OSTN: variants seen among roughly 807,000 people sequenced by gnomAD.
The protein encoded by OSTN is osteocrin.
A neutral mutation model predicts 12.0 loss-of-function variants in OSTN; 9 were observed. The ratio of observed to expected loss-of-function variants is 0.75; its 90% CI spans 0.45 to 1.30. The LOEUF is 1.30. Among genes scored for constraint, OSTN ranks in the 50% most tolerant of loss-of-function variants. The pLI, the probability that OSTN is intolerant of heterozygous loss-of-function variation, is 0.00. For synonymous variants in OSTN, 59 were observed against 56.9 expected (o/e 1.04, Z -0.16); for missense variants, 148 against 152.3 (o/e 0.97, Z 0.15).
At chr3:191,254,133 G>A (rs183211939) in intron 4 of OSTN, among the ~76,000 whole-genome samples, 63 of 152,278 alleles carry the variant, frequency 4.1e-4, no homozygotes, top group Non-Finnish European at 7.5e-4. Flanking sequence ...AGGTGGCATG[G>A]GAGTTGGACT....
intron 3 of OSTN, among the ~76,000 whole-genome samples, chr3:191,248,128 C>T (rs9855235): frequency 0.31 from 46,671 of 152,016 alleles, 8,246 homozygotes; most frequent in Middle Eastern, 0.51. Flanking sequence ...GCCACTGCGC[C>T]GGGCCTCCGA....
intron 3 of OSTN, among the ~76,000 whole-genome samples, chr3:191,225,360 GAT>G (rs1156766801): frequency 6.6e-6 from 1 of 152,120 alleles, no homozygotes; most frequent in African/African-American, 2.4e-5. Context: ...ACCAGATTCA[GAT>G]ATTTTCACAG....
intron 3 of OSTN, among the ~76,000 whole-genome samples, chr3:191,241,167 C>CTTTTGTTTTTTTTTTTTTT (rs1715309672): frequency 2.2e-5 from 1 of 46,444 alleles, no homozygotes; most frequent in East Asian, 8.9e-4. Flanking sequence ...TGTGCCTTGA[C>CTTTTGTTTTTTTTTTTTTT]TTTTTTTTTT....
intron 3 of OSTN, among the ~76,000 whole-genome samples, chr3:191,242,889 G>A (rs1469211750): frequency 6.6e-6 from 1 of 151,928 alleles, no homozygotes; most frequent in Non-Finnish European, 1.5e-5. Flanking sequence ...ACAGATGGGA[G>A]TAGATATTTG....
At chr3:191,199,763 G>A (rs936228025) in intron 1 of OSTN, among the ~76,000 whole-genome samples, 1 of 152,006 alleles carries the variant, frequency 6.6e-6, no homozygotes, top group African/African-American at 2.4e-5. Context: ...TATCTCTTAT[G>A]TTCTTAAAAC....
intron 4 of OSTN, among the ~76,000 whole-genome samples, chr3:191,260,072 G>C (rs535054440): frequency 2.0e-5 from 3 of 151,658 alleles, no homozygotes; most frequent in Admixed American, 6.6e-5. Context: ...GGATGGTCTC[G>C]ATCTCTTGAC....
At position 191,215,701 on chromosome 3, in the gene OSTN, T is replaced by C. The variant is rs565989133; in HGVS notation, c.103-3046T>C. ...GGAGATCATTCCAAAACCATTTCCTTTGACTCCATGTCTCACATCCAGGTC... is the reference window on the plus strand; with the variant it reads ...GGAGATCATTCCAAAACCATTTCCTCTGACTCCATGTCTCACATCCAGGTC... On this transcript the variant is annotated intron_variant, in intron 2 of 4. Coordinates refer to ENST00000682035, the MANE Select transcript of OSTN (RefSeq NM_198184.2). Among the ~76,000 whole-genome samples the C allele has an allele frequency of 2.0e-5, 3 of 152,298 alleles. No homozygotes were observed. In the East Asian group the frequency reaches 5.8e-4, roughly 29 times the overall value.
At chr3:191,260,377 T>A (rs1370607072) in intron 4 of OSTN, among the ~76,000 whole-genome samples, 1 of 151,602 alleles carries the variant, frequency 6.6e-6, no homozygotes, top group Non-Finnish European at 1.5e-5. Context: ...TGCCAAAGAT[T>A]CCCCCACCAA....
rs546275996 is a variant in OSTN, at chr3:191,246,704, GGAA to G, written c.318-3324_318-3322del. Among the ~76,000 whole-genome samples the G allele has an allele frequency of 1.1e-3, 168 of 150,826 alleles. 1 individual carries two copies. The highest frequency in any genetic ancestry group is 3.8e-3 in the African/African-American group (157 of 41,130). On this transcript the variant is annotated intron_variant, in intron 3 of 4. Transcript: ENST00000682035. Reference sequence around the variant, plus strand: ...AAGAAGAGGAAGAGGAGGATGAAAAGGAAGAAGAAGAGGAAGAAGAAGAAGAAG... The same window carrying G: ...AAGAAGAGGAAGAGGAGGATGAAAAGGAAGAAGAGGAAGAAGAAGAAGAAG...
At chr3:191,257,938 G>A (rs1417759816) in intron 4 of OSTN, among the ~76,000 whole-genome samples, 1 of 151,980 alleles carries the variant, frequency 6.6e-6, no homozygotes, top group Non-Finnish European at 1.5e-5. Flanking sequence ...AGAGACACAA[G>A]GTATAGCATA....
At chr3:191,226,460 G>T (rs938530607) in intron 3 of OSTN, among the ~76,000 whole-genome samples, 1 of 152,106 alleles carries the variant, frequency 6.6e-6, no homozygotes, top group Non-Finnish European at 1.5e-5. Context: ...AATGGTTCAG[G>T]CACATACTGT....
intron 3 of OSTN, among the ~76,000 whole-genome samples, chr3:191,226,394 A>G (rs560392979): frequency 2.0e-5 from 3 of 152,196 alleles, no homozygotes; most frequent in Admixed American, 6.5e-5. Context: ...CTTTTTAAAC[A>G]TGATGTACAT....
chr3:191,264,819 T>C lies in OSTN; in HGVS notation c.*1966T>C, dbSNP rs1329869789. ...CCTACTTTAGCCTAAAACTTTCTCA[T>C]GGTAAATATTGGAAGTTGGATTATG... On this transcript the variant is annotated 3_prime_UTR_variant, in exon 5 of 5. Coordinates refer to ENST00000682035, the MANE Select transcript of OSTN (RefSeq NM_198184.2). 1 of 152,194 alleles carries C rather than the reference T, an allele frequency of 6.6e-6. No individual in the cohort carries two copies. The highest frequency in any genetic ancestry group is 1.5e-5 in the Non-Finnish European group (1 of 67,988). 9.4% of individuals were successfully genotyped at this position (152,194 alleles called of 1,614,324 possible).
intron 2 of OSTN, among the ~76,000 whole-genome samples, chr3:191,213,131 A>AAATCCCAAAC (rs1714509560): frequency 6.6e-6 from 1 of 151,866 alleles, no homozygotes. Flanking sequence ...AACCTTCCAA[A>AAATCCCAAAC]GTGCTGGGAT....
chr3:191,217,460 G>T (rs1714643085), intron 2 of OSTN, among the ~76,000 whole-genome samples: 1 of 152,160 alleles, frequency 6.6e-6, no homozygotes, highest in African/African-American at 2.4e-5. Context: ...ACTAAAAGTG[G>T]GAAGGGAAGA....
At chr3:191,249,188 C>T (rs1715504254) in intron 3 of OSTN, among the ~76,000 whole-genome samples, 1 of 152,152 alleles carries the variant, frequency 6.6e-6, no homozygotes, top group Non-Finnish European at 1.5e-5. Context: ...TAGACTCTCC[C>T]TGCTGTCTCT....
intron 1 of OSTN, among the ~76,000 whole-genome samples, chr3:191,204,096 G>T (rs1714215787): frequency 6.6e-6 from 1 of 152,116 alleles, no homozygotes; most frequent in Non-Finnish European, 1.5e-5. Flanking sequence ...CACCGTGTTA[G>T]CCAGGCTAGT....
chr3:191,234,885 G>A (rs1715151364), intron 3 of OSTN, among the ~76,000 whole-genome samples: 2 of 151,950 alleles, frequency 1.3e-5, no homozygotes, highest in South Asian at 4.2e-4. Flanking sequence ...AAGCCAGAGG[G>A]CACAGGAACA....
intron 3 of OSTN, among the ~76,000 whole-genome samples, chr3:191,241,482 C>T (rs1341372199): frequency 6.6e-6 from 1 of 151,878 alleles, no homozygotes; most frequent in African/African-American, 2.4e-5. Flanking sequence ...ACGCGCCTGG[C>T]CAGCTCTGTG....
Sources: gnomAD v4.1 joint callset for allele counts (sites outside exome capture counted in the v4.1 genomes callset) on GRCh38, gnomAD v4.1.1 for gene constraint, MANE v1.5 for transcripts, NCBI Gene and HGNC (gene_info 2026-07-23, HGNC 2026-07-21) for gene names.